The following TMEM72 variants were observed in gnomAD, a reference collection of about 807,000 sequenced individuals.
TMEM72 encodes the protein kidney-specific secretory protein of 37 kDa.
A neutral mutation model predicts 16.3 loss-of-function variants in TMEM72; 9 were observed. That is an observed-to-expected ratio of 0.55 (90% CI 0.33 to 0.96). The LOEUF (loss-of-function observed/expected upper bound fraction) is 0.96, where lower values mean the gene tolerates loss of function less well. Ranked by LOEUF, TMEM72 falls within the 40% of genes least tolerant of loss-of-function variation. TMEM72 has a pLI of 0.03. For missense variants in TMEM72, 324 were observed against 337.8 expected, an observed-to-expected ratio of 0.96 and a Z score of 0.32; for synonymous variants, 160 against 146.5, an observed-to-expected ratio of 1.09 and a Z score of -0.66.
At chr10:44,927,835 T>C in intron 1 of TMEM72, 86 bp from the exon 2 acceptor site, 3 of 1,414,194 alleles carry the variant, frequency 2.1e-6, no homozygotes, top group East Asian at 4.6e-5. Context: ...GGAAGAAGAC[T>C]CACTCCACAG....
At chr10:44,923,329 CTCTCTCTCTTTCTCTTCCTT>C (rs1409907233) in intron 1 of TMEM72, 2 of 152,066 alleles carry the variant, frequency 1.3e-5, no homozygotes, top group Admixed American at 6.6e-5. Flanking sequence ...CTCTCTCTCT[CTCTCTCTCTTTCTCTTCCTT>C]TCTCTCTTTC....
intron 1 of TMEM72, among the ~76,000 whole-genome samples, chr10:44,927,503 C>A (rs1272425051): frequency 6.6e-6 from 1 of 152,210 alleles, no homozygotes; most frequent in Non-Finnish European, 1.5e-5. Flanking sequence ...ACAACAGCAA[C>A]CAGTGACCCA....
intron 1 of TMEM72, among the ~76,000 whole-genome samples, chr10:44,912,545 C>T (rs1305577953): frequency 1.3e-5 from 2 of 152,234 alleles, no homozygotes; most frequent in Admixed American, 6.5e-5. Flanking sequence ...TCACATAGTG[C>T]TTGTTCCTGC....
At chr10:44,934,629 G>A in intron 4 of TMEM72, 27 bp from the exon 5 acceptor site, 3 of 1,528,622 alleles carry the variant, frequency 2.0e-6, no homozygotes, top group Non-Finnish European at 1.8e-6. Flanking sequence ...GACTCCTCTA[G>A]AGCCCTGACC....
At chr10:44,915,654 C>T (rs540922532) in intron 1 of TMEM72, among the ~76,000 whole-genome samples, 2 of 152,286 alleles carry the variant, frequency 1.3e-5, no homozygotes, top group Admixed American at 1.3e-4. Context: ...CCTCTACCCT[C>T]ATGCTCCTGC....
rs546273430 is a variant in TMEM72, at chr10:44,917,676, G to A, written c.70+6094G>A. On this transcript the variant is annotated intron_variant, in intron 1 of 4. Coordinates refer to ENST00000389583, the MANE Select transcript of TMEM72 (RefSeq NM_001123376.3). Reference sequence around the variant, plus strand: ...TTGTCTGACATAAGTGGCTGACACTGTGAAGAAGGGGCTCAGGAAACCCCC... The same window carrying A: ...TTGTCTGACATAAGTGGCTGACACTATGAAGAAGGGGCTCAGGAAACCCCC... Among the ~76,000 whole-genome samples the A allele has an allele frequency of 3.9e-5, 6 of 152,300 alleles. No individual in the cohort carries two copies. The South Asian group carries it at 1.2e-3, about 32-fold the overall frequency.
rs142543477 is a variant in TMEM72, at chr10:44,934,079, G to A, written c.349+303G>A. 1.4e-3 allele frequency among the ~76,000 whole-genome samples: 220 copies of A among 152,280 alleles called. 1 individual carries two copies. Among genetic ancestry groups the A allele is most frequent in the African/African-American group, 5.1e-3 (210 of 41,546 alleles). On this transcript the variant is annotated intron_variant, in intron 4 of 4. Transcript: ENST00000389583. ...CATGTGTGGTCTGAGCTTCCCAAGG[G>A]TGTGACATGGCCACTTCCCTGCCCA... is the stretch of plus-strand genomic sequence containing the variant.
chr10:44,921,009 G>A (rs929656102), intron 1 of TMEM72, among the ~76,000 whole-genome samples: 9 of 152,140 alleles, frequency 5.9e-5, no homozygotes, highest in Admixed American at 1.3e-4. Context: ...CTTGGCCCAG[G>A]ATCTCTGATC....
rs377279825 is a variant in TMEM72, at chr10:44,933,727, G to A, written c.300G>A (p.Ser100=). 1.8e-4 allele frequency: 289 copies of A among 1,614,058 alleles called. No individual in the cohort carries two copies. Among genetic ancestry groups the A allele is most frequent in the South Asian group, 1.2e-3 (108 of 91,074 alleles). ...FQKFLAYLLL[S]VACFLHPVLV... ...AGTTCCTGGCCTACCTGCTGCTGTC[G>A]GTGGCCTGCTTCCTCCACCCGGTCC... Residue 100 remains serine (S), a synonymous_variant, in exon 4 of 5, where the codon TCG becomes TCA. Transcript: ENST00000389583.
intron 1 of TMEM72, chr10:44,920,206 G>T (rs1255892599): frequency 1.3e-5 from 2 of 152,290 alleles, no homozygotes; most frequent in Admixed American, 6.5e-5. Flanking sequence ...AGGGCATCCA[G>T]TGCCAAGGTT....
At chr10:44,931,033 G>A (rs1345409799) in intron 2 of TMEM72, among the ~76,000 whole-genome samples, 2 of 152,216 alleles carry the variant, frequency 1.3e-5, no homozygotes, top group African/African-American at 4.8e-5. Context: ...AGCCTGGGCT[G>A]TACAGAAGAA....
intron 1 of TMEM72, among the ~76,000 whole-genome samples, chr10:44,926,662 G>A (rs990562509): frequency 6.6e-6 from 1 of 152,124 alleles, no homozygotes; most frequent in Non-Finnish European, 1.5e-5. Flanking sequence ...GTGGGCAGTC[G>A]CCCATGAAGC....
chr10:44,917,231 A>G lies in TMEM72; in HGVS notation c.70+5649A>G, dbSNP rs1840026513. ...TACCCTCTGGAGTTGTGAGGGCTCA[A>G]TGAAACAATGGCTAAAGTAGCAAGC... On this transcript the variant is annotated intron_variant, in intron 1 of 4. Transcript: ENST00000389583. 2.0e-5 allele frequency among the ~76,000 whole-genome samples: 3 copies of G among 152,288 alleles called. No individual in the cohort carries two copies. The South Asian group carries it at 6.2e-4, about 32-fold the overall frequency.
At chr10:44,918,864 A>G (rs1840050417) in intron 1 of TMEM72, among the ~76,000 whole-genome samples, 1 of 151,790 alleles carries the variant, frequency 6.6e-6, no homozygotes, top group African/African-American at 2.4e-5. Context: ...GTGCGGTAAC[A>G]GTGAGAAGAC....
At chr10:44,933,012 T>C (rs1840327962) in intron 3 of TMEM72, among the ~76,000 whole-genome samples, 2 of 152,050 alleles carry the variant, frequency 1.3e-5, no homozygotes, top group African/African-American at 4.8e-5. Flanking sequence ...CTAGGCCAAT[T>C]CAGAGGATGG....
chr10:44,931,715 C>T, intron 2 of TMEM72: 1 of 464,686 alleles, frequency 2.2e-6, no homozygotes. Context: ...GAAGGATGTG[C>T]CTGCCAGTGT....
rs1459172200 is a variant in TMEM72 at position 44,934,896 on chromosome 10, G to GT, written c.591dup (p.Ala198CysfsTer28). The stretch of plus-strand genomic sequence containing the variant: ...ATCCTGAAGGGGACTAAGAAGCCCA[G>GT]TGCCCTCCAGCCCCCCAACACCCTG... On this transcript the variant is annotated frameshift_variant, in exon 5 of 5. Transcript: ENST00000389583. LOFTEE classifies it low-confidence loss of function (END_TRUNC). 90 of 1,613,336 alleles carry GT rather than the reference G, an allele frequency of 5.6e-5. No homozygotes were observed. In the Admixed American group the frequency reaches 1.5e-3, roughly 27 times the overall value.
At chr10:44,926,451 G>A (rs1429759354) in intron 1 of TMEM72, among the ~76,000 whole-genome samples, 1 of 152,190 alleles carries the variant, frequency 6.6e-6, no homozygotes, top group Non-Finnish European at 1.5e-5. Context: ...GGAAGGGCCG[G>A]GACGTGTGCA....
chr10:44,927,961 G>A lies in TMEM72; in HGVS notation c.111G>A (p.Gln37=), dbSNP rs757038857. 1 of 1,613,880 alleles carries A rather than the reference G, an allele frequency of 6.2e-7. No individual in the cohort carries two copies. Among genetic ancestry groups the A allele is most frequent in the Non-Finnish European group, 8.5e-7 (1 of 1,179,994 alleles). ...GVGTETFLQG[Q]FKSLAFYLLF... ...GCACTGAGACCTTCCTCCAGGGCCA[G>A]TTCAAAAGCCTGGCTTTCTATCTGC... Residue 37 remains glutamine, a synonymous_variant, in exon 2 of 5, where the codon CAG becomes CAA. Coordinates refer to ENST00000389583, the MANE Select transcript of TMEM72 (RefSeq NM_001123376.3).
Sources: allele counts gnomAD v4.1 joint callset (sites outside exome capture counted in the v4.1 genomes callset), GRCh38; gene constraint gnomAD v4.1.1; transcripts MANE v1.5; gene names NCBI Gene and HGNC (gene_info 2026-07-23, HGNC 2026-07-21).